Variants in AIG1 observed in about 807,000 individuals in gnomAD.
AIG1 encodes androgen induced 1.
Under a neutral mutation model 31.4 loss-of-function variants are expected in AIG1, and 23 were observed. That is an observed-to-expected ratio of 0.73 (90% CI 0.53 to 1.04). AIG1 has a LOEUF of 1.04. Ranked by LOEUF, AIG1 falls within the 50% of genes least tolerant of loss-of-function variation. The pLI, the probability that AIG1 is intolerant of heterozygous loss-of-function variation, is 0.00. For synonymous variants in AIG1, 100 were observed against 110.5 expected (o/e 0.90, Z 0.60); for missense variants, 274 against 295.0 (o/e 0.93, Z 0.52).
chr6:143,107,808 A>G (rs1285698951), intron 1 of AIG1, among the ~76,000 whole-genome samples: 5 of 152,186 alleles, frequency 3.3e-5, no homozygotes, highest in Non-Finnish European at 7.4e-5. Flanking sequence ...CCACTGTGAT[A>G]AGGTGGAAAC....
intron 1 of AIG1, among the ~76,000 whole-genome samples, chr6:143,106,295 G>A (rs568277520): frequency 1.3e-5 from 2 of 152,146 alleles, no homozygotes; most frequent in African/African-American, 2.4e-5. Flanking sequence ...GAAAAGATAT[G>A]GAACAGGTTC....
intron 3 of AIG1, among the ~76,000 whole-genome samples, chr6:143,234,260 T>C (rs1186752315): frequency 1.3e-5 from 2 of 152,212 alleles, no homozygotes; most frequent in African/African-American, 4.8e-5. Context: ...AAAGATTTCT[T>C]TTTATAATCT....
intron 4 of AIG1, among the ~76,000 whole-genome samples, chr6:143,314,035 A>T (rs2117500): frequency 0.13 from 20,197 of 151,790 alleles, 1,579 homozygotes; most frequent in East Asian, 0.35. Flanking sequence ...AATAAAATGT[A>T]AATACAAACT....
At chr6:143,187,491 T>C (rs1227912639) in intron 3 of AIG1, 4 of 1,535,098 alleles carry the variant, frequency 2.6e-6, no homozygotes, top group African/African-American at 2.7e-5. Context: ...TGAAGACATA[T>C]GCACAAAATC....
chr6:143,340,732 G>T lies in AIG1; in HGVS notation c.*1056G>T, dbSNP rs953032951. On this transcript the variant is annotated 3_prime_UTR_variant, in exon 6 of 6. Transcript: ENST00000357847. ...ACGCCTCGGCCTCCCAAAGTGCTGGGATTACAGACATGAACCACCGCGCCC... is the reference window on the plus strand; with the variant it reads ...ACGCCTCGGCCTCCCAAAGTGCTGGTATTACAGACATGAACCACCGCGCCC... Among the ~76,000 whole-genome samples, 27 of 152,086 alleles carry T rather than the reference G, an allele frequency of 1.8e-4. No homozygotes were observed. The highest frequency in any genetic ancestry group is 1.6e-3 in the Admixed American group (25 of 15,260).
At chr6:143,193,103 A>C (rs1174987289) in intron 3 of AIG1, among the ~76,000 whole-genome samples, 1 of 152,200 alleles carries the variant, frequency 6.6e-6, no homozygotes, top group East Asian at 1.9e-4. Flanking sequence ...TGCCCATCTA[A>C]ACTGCCTGCT....
chr6:143,192,740 A>T (rs1179339120), intron 3 of AIG1, among the ~76,000 whole-genome samples: 1 of 152,200 alleles, frequency 6.6e-6, no homozygotes, highest in African/African-American at 2.4e-5. Context: ...TTTATAATCT[A>T]GTGAAGGAGA....
chr6:143,123,943 G>A (rs1004885178), intron 1 of AIG1, among the ~76,000 whole-genome samples: 2 of 152,132 alleles, frequency 1.3e-5, no homozygotes, highest in Non-Finnish European at 2.9e-5. Flanking sequence ...CTTTGGAAGA[G>A]GATTGAAAAT....
chr6:143,143,521 AAAAAAAAATATATATATATATAT>A, intron 2 of AIG1, among the ~76,000 whole-genome samples: 1 of 107,018 alleles, frequency 9.3e-6, no homozygotes, highest in African/African-American at 4.2e-5. Flanking sequence ...AAAAAAAAAA[AAAAAAAAATATATATATATATAT>A]ATATATATAT....
intron 2 of AIG1, among the ~76,000 whole-genome samples, chr6:143,142,137 A>G (rs943615503): frequency 9.9e-5 from 15 of 152,060 alleles, no homozygotes; most frequent in African/African-American, 3.6e-4. Context: ...ATGTAGTGCA[A>G]TGATATTTCA....
intron 3 of AIG1, among the ~76,000 whole-genome samples, chr6:143,234,754 A>ACTCAGG (rs1793688145): frequency 6.6e-6 from 1 of 152,186 alleles, no homozygotes; most frequent in Admixed American, 6.5e-5. Context: ...AATGGATCAG[A>ACTCAGG]ATTAGACTCA....
At chr6:143,154,748 A>G (rs1583347544) in intron 2 of AIG1, among the ~76,000 whole-genome samples, 1 of 150,240 alleles carries the variant, frequency 6.7e-6, no homozygotes, top group Non-Finnish European at 1.5e-5. Flanking sequence ...ATGTAAGATG[A>G]TATCGCTGGG....
At chr6:143,267,529 A>G (rs570996629) in intron 3 of AIG1, among the ~76,000 whole-genome samples, 101 of 152,304 alleles carry the variant, frequency 6.6e-4, no homozygotes, top group African/African-American at 2.2e-3. Context: ...AAAGTTGCAC[A>G]TTCTGTACCT....
chr6:143,108,080 A>G lies in AIG1; in HGVS notation c.142-28755A>G, dbSNP rs369921416. ...CTTTGATGCCAGATTGCATCTCTCA[A>G]CTGACAGTTAAGTAAAACATAGTTT... On this transcript the variant is annotated intron_variant, in intron 1 of 5. Coordinates refer to ENST00000357847, the MANE Select transcript of AIG1 (RefSeq NM_016108.4). 6.9e-4 allele frequency among the ~76,000 whole-genome samples: 105 copies of G among 152,158 alleles called. 2 individuals are homozygous for G. The South Asian group carries it at 0.021, about 30-fold the overall frequency.
chr6:143,222,728 G>A (rs1792634693), intron 3 of AIG1, among the ~76,000 whole-genome samples: 2 of 152,064 alleles, frequency 1.3e-5, no homozygotes, highest in South Asian at 4.1e-4. Flanking sequence ...TGTAAAGAGA[G>A]TTGGTGTGGA....
chr6:143,312,140 C>A (rs1170692821), intron 4 of AIG1, among the ~76,000 whole-genome samples: 1 of 151,980 alleles, frequency 6.6e-6, no homozygotes, highest in Non-Finnish European at 1.5e-5. Flanking sequence ...CTACCCAAAG[C>A]AATTTACAGA....
intron 3 of AIG1, among the ~76,000 whole-genome samples, chr6:143,269,851 A>T (rs964916794): frequency 4.6e-5 from 7 of 152,216 alleles, no homozygotes; most frequent in Admixed American, 1.3e-4. Flanking sequence ...TGAAGGGGAT[A>T]TTCTGGAAGG....
chr6:143,076,967 G>A (rs1420543475), intron 1 of AIG1, among the ~76,000 whole-genome samples: 4 of 151,954 alleles, frequency 2.6e-5, no homozygotes, highest in Admixed American at 6.5e-5. Flanking sequence ...GACCGTGCCC[G>A]GCCTTGAATA....
intron 1 of AIG1, among the ~76,000 whole-genome samples, chr6:143,108,417 C>T (rs1780988318): frequency 6.6e-6 from 1 of 152,252 alleles, no homozygotes; most frequent in South Asian, 2.1e-4. Context: ...TTTGTGGTGT[C>T]TATTTGATAG....
Sources: gnomAD v4.1 joint callset for allele counts (sites outside exome capture counted in the v4.1 genomes callset) on GRCh38, gnomAD v4.1.1 for gene constraint, MANE v1.5 for transcripts, NCBI Gene and HGNC (gene_info 2026-07-23, HGNC 2026-07-21) for gene names.